Variants in IL22RA2 observed in about 807,000 individuals in gnomAD.
IL22RA2 encodes the protein interleukin-22 receptor subunit alpha-2.
A neutral mutation model predicts 30.7 loss-of-function variants in IL22RA2; 39 were observed. The observed-to-expected ratio is 1.27, with a 90% CI of 0.98 to 1.66. IL22RA2 has a LOEUF of 1.66. Among genes scored for constraint, IL22RA2 ranks in the 40% most tolerant of loss-of-function variants. The pLI, the probability that IL22RA2 is intolerant of heterozygous loss-of-function variation, is 0.00. For missense variants in IL22RA2, 315 were observed against 312.7 expected, an observed-to-expected ratio of 1.01 and a Z score of -0.05; for synonymous variants, 103 against 105.0, an observed-to-expected ratio of 0.98 and a Z score of 0.11.
intron 5 of IL22RA2, among the ~76,000 whole-genome samples, chr6:137,154,188 T>C (rs1011959852): frequency 5.9e-5 from 9 of 152,190 alleles, no homozygotes; most frequent in Non-Finnish European, 8.8e-5. Context: ...GCACTTTTGG[T>C]CTGCCTTTTT....
intron 6 of IL22RA2, among the ~76,000 whole-genome samples, chr6:137,146,539 C>T (rs1004110559): frequency 2.6e-5 from 4 of 152,164 alleles, no homozygotes; most frequent in Non-Finnish European, 4.4e-5. Flanking sequence ...GATTGCTTGC[C>T]TATCTCCTAA....
rs536391428 is a variant in IL22RA2, at chr6:137,146,615, A to G, written c.643-842T>C. ...TGTGGTTTCTGCTCCTTACGACAAAAACCCCTCATCTTAGATGGCACCAAA... is the reference window on the plus strand; with the variant it reads ...TGTGGTTTCTGCTCCTTACGACAAAGACCCCTCATCTTAGATGGCACCAAA... On this transcript the variant is annotated intron_variant, in intron 6 of 6. Transcript: ENST00000296980. Among the ~76,000 whole-genome samples, 226 of 152,220 alleles carry G rather than the reference A, an allele frequency of 1.5e-3. 1 individual carries two copies. Among genetic ancestry groups the G allele is most frequent in the Middle Eastern group, 6.8e-3 (2 of 294 alleles).
chr6:137,170,837 T>G (rs367561307), intron 1 of IL22RA2, among the ~76,000 whole-genome samples: 1 of 152,124 alleles, frequency 6.6e-6, no homozygotes, highest in Non-Finnish European at 1.5e-5. Flanking sequence ...GCAGGACTTA[T>G]GACAAGTATG....
intron 1 of IL22RA2, among the ~76,000 whole-genome samples, chr6:137,170,905 G>T (rs1242836659): frequency 2.0e-5 from 3 of 152,146 alleles, no homozygotes; most frequent in Non-Finnish European, 4.4e-5. Context: ...TCCTGAAAAA[G>T]GATTAATCAG....
intron 5 of IL22RA2, among the ~76,000 whole-genome samples, chr6:137,153,624 G>A (rs768376531): frequency 1.4e-4 from 21 of 152,110 alleles, no homozygotes; most frequent in Non-Finnish European, 2.6e-4. Flanking sequence ...CATTTGGAGC[G>A]CCTCATGCCA....
Position 137,145,107 on chromosome 6 carries a change from G to A in IL22RA2, c.*517C>T, listed in dbSNP as rs975307959. ...TTTAATAATAATAAATATATAAAAA[G>A]TATATTCATATAAAATAGAAATGTA... is the stretch of plus-strand genomic sequence containing the variant. On this transcript the variant is annotated 3_prime_UTR_variant, in exon 7 of 7. Transcript: ENST00000296980. The A allele has an allele frequency of 2.0e-5, 3 of 151,030 alleles. No homozygotes were observed. Among genetic ancestry groups the A allele is most frequent in the South Asian group, 4.1e-4 (2 of 4,832 alleles). 9.4% of individuals were successfully genotyped at this position (151,030 alleles called of 1,614,324 possible). A position where few individuals can be genotyped will look rare whatever the true frequency, so the allele number is the denominator to read the frequency against.
At chr6:137,154,876 C>T (rs1778366083) in intron 5 of IL22RA2, 65 bp downstream of exon 5, 6 of 1,401,792 alleles carry the variant, frequency 4.3e-6, no homozygotes, top group Non-Finnish European at 6.1e-6. Context: ...TAGTCACTAG[C>T]CGTGCTCCGG....
intron 1 of IL22RA2, among the ~76,000 whole-genome samples, chr6:137,172,038 C>T (rs17066107): frequency 0.02 from 3,119 of 152,294 alleles, 136 homozygotes; most frequent in African/African-American, 0.073. Context: ...CATTGTTATT[C>T]ACTTCCCTGC....
rs763157429 is a variant in IL22RA2, at chr6:137,156,785, G to T, written c.267C>A (p.Asn89Lys). Residue 89 changes from asparagine to lysine, a missense_variant, in exon 4 of 7, where the codon AAC becomes AAA. Transcript: ENST00000296980. The stretch of plus-strand genomic sequence containing the variant: ...TAGCCAATGTTCTGCAGCCTGGGAA[G>T]TTACAAGAAATGTGCTGCCAGCATC... ...PSGCWQHISCNFPGCRTLAKY... is the reference protein window; with the variant it reads ...PSGCWQHISCKFPGCRTLAKY... 1.2e-6 allele frequency: 2 copies of T among 1,613,830 alleles called. No individual in the cohort carries two copies.
intron 1 of IL22RA2, among the ~76,000 whole-genome samples, chr6:137,172,119 G>A (rs1778746767): frequency 2.6e-5 from 4 of 152,178 alleles, no homozygotes; most frequent in Admixed American, 2.6e-4. Context: ...CACTATTGAT[G>A]TTCAATGGCT....
chr6:137,146,620 C>T (rs562970428), intron 6 of IL22RA2, among the ~76,000 whole-genome samples: 1 of 152,260 alleles, frequency 6.6e-6, no homozygotes, highest in African/African-American at 2.4e-5. Context: ...ACAAAAACCC[C>T]TCATCTTAGA....
At chr6:137,156,176 G>T (rs79898774) in intron 4 of IL22RA2, among the ~76,000 whole-genome samples, 3 of 152,182 alleles carry the variant, frequency 2.0e-5, no homozygotes, top group Non-Finnish European at 4.4e-5. Flanking sequence ...CCACAGGATG[G>T]TGTAATAGTC....
intron 1 of IL22RA2, among the ~76,000 whole-genome samples, chr6:137,170,225 C>T (rs368902458): frequency 2.0e-5 from 3 of 152,192 alleles, no homozygotes; most frequent in African/African-American, 7.2e-5. Flanking sequence ...TATTAATCTA[C>T]ATTTGTGTCG....
At chr6:137,168,018 G>C (rs770562931) in intron 1 of IL22RA2, among the ~76,000 whole-genome samples, 24 of 152,224 alleles carry the variant, frequency 1.6e-4, no homozygotes, top group Non-Finnish European at 2.8e-4. Flanking sequence ...CTTTGCAAAT[G>C]CTGCCAAGCT....
At position 137,154,957 on chromosome 6, in the gene IL22RA2, G is replaced by C. The variant is rs1778369070; in HGVS notation, c.456C>G (p.Phe152Leu). 1 of 1,613,950 alleles carries C rather than the reference G, an allele frequency of 6.2e-7. No individual in the cohort carries two copies. Among genetic ancestry groups the C allele is most frequent in the Non-Finnish European group, 8.5e-7 (1 of 1,179,954 alleles). ...SYSEWSMTPR[F>L]TPWWETKIDP... ...GGAACTCACTTTCCCACCAGGGAGT[G>C]AACCGCGGCGTCATGCTCCATTCTG... The change falls in exon 5 of 7, where the codon TTC becomes TTG. Residue 152 changes from phenylalanine (F) to leucine (L), a missense_variant. Transcript: ENST00000296980.
chr6:137,154,816 A>C, intron 5 of IL22RA2, 125 bp downstream of exon 5: 2 of 750,938 alleles, frequency 2.7e-6, no homozygotes, highest in South Asian at 3.3e-5. Flanking sequence ...TGTTCTGACA[A>C]TTAGACCAAA....
At chr6:137,150,519 A>G (rs1391790404) in intron 5 of IL22RA2, among the ~76,000 whole-genome samples, 1 of 134,324 alleles carries the variant, frequency 7.4e-6, no homozygotes, top group Non-Finnish European at 1.5e-5. Flanking sequence ...GAGAAAGGTC[A>G]TACAGAAAAC....
In IL22RA2 at chr6:137,158,318, A is replaced by C. The variant is rs537997575; in HGVS notation, c.197+29T>G. 1.7e-5 allele frequency: 28 copies of C among 1,612,560 alleles called. No individual in the cohort carries two copies. The Admixed American group carries it at 4.2e-4, about 24-fold the overall frequency. On this transcript the variant is annotated intron_variant, in intron 3 of 6. Transcript: ENST00000296980. The stretch of plus-strand genomic sequence containing the variant: ...AACATGTTATCCCAGTGCCATCTCT[A>C]TCAGCTGAAGGAGGCTCAATTTACT...
chr6:137,164,352 T>A (rs1410917289), intron 1 of IL22RA2, among the ~76,000 whole-genome samples: 1 of 152,172 alleles, frequency 6.6e-6, no homozygotes. Flanking sequence ...GTATATTGAC[T>A]CCTGGCTAAG....
Sources: allele counts gnomAD v4.1 joint callset (sites outside exome capture counted in the v4.1 genomes callset), GRCh38; gene constraint gnomAD v4.1.1; transcripts MANE v1.5; gene names NCBI Gene and HGNC (gene_info 2026-07-23, HGNC 2026-07-21).